Variants in GPC6 observed in about 807,000 individuals in gnomAD.
The protein encoded by GPC6 is glypican 6, also known as glypican-6.
In GPC6, 14 loss-of-function variants were observed where a neutral mutation model predicts 55.2. That is an observed-to-expected ratio of 0.25 (90% CI 0.17 to 0.40). The LOEUF (loss-of-function observed/expected upper bound fraction) is 0.40. Among genes scored for constraint, GPC6 ranks in the 10% least tolerant of loss-of-function variants. The pLI, the probability that GPC6 is intolerant of heterozygous loss-of-function variation, is 1.00. For synonymous variants in GPC6, 278 were observed against 259.6 expected (o/e 1.07, Z -0.68); for missense variants, 641 against 708.5 (o/e 0.90, Z 1.08).
chr13:93,558,858 C>T (rs780178914), intron 2 of GPC6, among the ~76,000 whole-genome samples: 10 of 152,030 alleles, frequency 6.6e-5, no homozygotes, highest in Admixed American at 6.6e-5. Context: ...CAAGTGGTTC[C>T]GTATATCCTT....
At chr13:93,604,556 G>A (rs1195541239) in intron 2 of GPC6, among the ~76,000 whole-genome samples, 1 of 152,078 alleles carries the variant, frequency 6.6e-6, no homozygotes, top group Non-Finnish European at 1.5e-5. Flanking sequence ...AATATACAGT[G>A]AGGTACCTTT....
chr13:94,115,627 T>G (rs900255226), intron 4 of GPC6, among the ~76,000 whole-genome samples: 1 of 152,116 alleles, frequency 6.6e-6, no homozygotes, highest in Non-Finnish European at 1.5e-5. Flanking sequence ...TTTGTTTACG[T>G]GTACACTGGT....
intron 5 of GPC6, among the ~76,000 whole-genome samples, chr13:94,290,444 A>G (rs979015311): frequency 1.0e-4 from 15 of 150,282 alleles, no homozygotes; most frequent in East Asian, 5.8e-4. Flanking sequence ...AAAAAAAAAA[A>G]AAAAAGAAAA....
At chr13:94,158,087 T>C (rs1462562776) in intron 4 of GPC6, among the ~76,000 whole-genome samples, 1 of 152,176 alleles carries the variant, frequency 6.6e-6, no homozygotes, top group Non-Finnish European at 1.5e-5. Flanking sequence ...ATTTGGCTAA[T>C]GGTCAGTAAG....
At chr13:93,375,422 C>T (rs533347005) in intron 1 of GPC6, among the ~76,000 whole-genome samples, 59 of 152,250 alleles carry the variant, frequency 3.9e-4, no homozygotes, top group African/African-American at 1.4e-3. Context: ...TATCAGACGG[C>T]GTGGAGTGGC....
At chr13:93,579,300 A>G (rs958925889) in intron 2 of GPC6, among the ~76,000 whole-genome samples, 9 of 152,146 alleles carry the variant, frequency 5.9e-5, no homozygotes, top group African/African-American at 1.7e-4. Context: ...GGATATGCCA[A>G]TTATCCTAAT....
chr13:94,352,417 C>A (rs1324312586), intron 6 of GPC6, among the ~76,000 whole-genome samples: 2 of 152,176 alleles, frequency 1.3e-5, no homozygotes, highest in African/African-American at 4.8e-5. Flanking sequence ...CATCCCTGGG[C>A]CCCCATGTCT....
chr13:94,100,088 T>C (rs1885801757), intron 4 of GPC6, among the ~76,000 whole-genome samples: 1 of 152,172 alleles, frequency 6.6e-6, no homozygotes, highest in African/African-American at 2.4e-5. Context: ...CCTTCACATG[T>C]ACCCCTGAAC....
chr13:93,443,658 T>C (rs1372603685), intron 1 of GPC6, among the ~76,000 whole-genome samples: 1 of 152,184 alleles, frequency 6.6e-6, no homozygotes, highest in Non-Finnish European at 1.5e-5. Flanking sequence ...TTGTAAAAGA[T>C]CAAGGATATG....
At chr13:94,370,694 CTG>C (rs759935522) in intron 6 of GPC6, among the ~76,000 whole-genome samples, 3 of 152,194 alleles carry the variant, frequency 2.0e-5, no homozygotes, top group Non-Finnish European at 4.4e-5. Context: ...GTGCTATAGA[CTG>C]GCGATCTGCA....
rs534958353 is a variant in GPC6, at chr13:93,824,625, G to A, written c.320-5529G>A. ...TAAACAAAGGCACAATATTATATGC[G>A]TAGGTACACATGAACTTGGAGCATG... On this transcript the variant is annotated intron_variant, in intron 2 of 8. Transcript: ENST00000377047. Among the ~76,000 whole-genome samples the A allele has an allele frequency of 9.9e-5, 15 of 152,012 alleles. No individual in the cohort carries two copies. In the East Asian group the frequency reaches 1.2e-3, roughly 12 times the overall value.
intron 1 of GPC6, among the ~76,000 whole-genome samples, chr13:93,324,953 C>T (rs1242856067): frequency 3.3e-5 from 5 of 152,018 alleles, no homozygotes; most frequent in Non-Finnish European, 7.3e-5. Context: ...TAAGACTCAA[C>T]TGGAGCCAGC....
At chr13:94,218,698 C>T (rs1890293453) in intron 4 of GPC6, among the ~76,000 whole-genome samples, 4 of 152,158 alleles carry the variant, frequency 2.6e-5, no homozygotes, top group Admixed American at 2.0e-4. Flanking sequence ...TCTAGAAGCT[C>T]AGTGTGCCAG....
intron 1 of GPC6, among the ~76,000 whole-genome samples, chr13:93,514,255 G>A (rs566977288): frequency 7.2e-4 from 110 of 152,204 alleles, no homozygotes; most frequent in African/African-American, 2.6e-3. Context: ...TGTGGCAGGA[G>A]GGAAGCCATA....
intron 2 of GPC6, among the ~76,000 whole-genome samples, chr13:93,807,425 A>G (rs1051939101): frequency 1.3e-5 from 2 of 152,210 alleles, no homozygotes; most frequent in Non-Finnish European, 2.9e-5. Flanking sequence ...GAATTTGATA[A>G]AGTCAATTAG....
At chr13:93,247,005 C>CCT in intron 1 of GPC6, among the ~76,000 whole-genome samples, 1 of 140,832 alleles carries the variant, frequency 7.1e-6, no homozygotes, top group East Asian at 2.0e-4. Context: ...TTTTTCTTTT[C>CCT]TTTTTTTTTT....
In GPC6 at chr13:93,383,761, T is replaced by C. The variant is rs534820545; in HGVS notation, c.160+156145T>C. Reference sequence around the variant, plus strand: ...TTTTTTTTTTAATAGGGAGACTGAATACACTTTGAGTTTTCTGACATTTTA... The same window carrying C: ...TTTTTTTTTTAATAGGGAGACTGAACACACTTTGAGTTTTCTGACATTTTA... On this transcript the variant is annotated intron_variant, in intron 1 of 8. Transcript: ENST00000377047. Among the ~76,000 whole-genome samples, 118 of 152,110 alleles carry C rather than the reference T, an allele frequency of 7.8e-4. 1 individual carries two copies. Among genetic ancestry groups the C allele is most frequent in the Middle Eastern group, 3.4e-3 (1 of 294 alleles).
At chr13:93,381,043 C>T (rs1566327189) in intron 1 of GPC6, among the ~76,000 whole-genome samples, 1 of 152,086 alleles carries the variant, frequency 6.6e-6, no homozygotes, top group East Asian at 1.9e-4. Context: ...AATCTGAAAG[C>T]ATAAATTGTG....
intron 2 of GPC6, among the ~76,000 whole-genome samples, chr13:93,618,046 C>T (rs1009177774): frequency 6.6e-6 from 1 of 151,954 alleles, no homozygotes; most frequent in Admixed American, 6.6e-5. Flanking sequence ...TATACATGGA[C>T]ATACATACAG....
Sources: gnomAD v4.1 joint callset for allele counts (sites outside exome capture counted in the v4.1 genomes callset) on GRCh38, gnomAD v4.1.1 for gene constraint, MANE v1.5 for transcripts, NCBI Gene and HGNC (gene_info 2026-07-23, HGNC 2026-07-21) for gene names.